Variants in NAALADL2 observed in about 807,000 individuals in gnomAD.
NAALADL2 encodes the protein inactive N-acetylated-alpha-linked acidic dipeptidase-like protein 2.
Under a neutral mutation model 87.2 loss-of-function variants are expected in NAALADL2, and 76 were observed. The ratio of observed to expected loss-of-function variants is 0.87; its 90% confidence interval spans 0.72 to 1.05. The LOEUF (loss-of-function observed/expected upper bound fraction) is 1.05. NAALADL2 is among the 50% of genes least tolerant of loss of function. The pLI, the probability that NAALADL2 is intolerant of heterozygous loss-of-function variation, is 0.00. For missense variants in NAALADL2, 1,089 were observed against 945.8 expected, an observed-to-expected ratio of 1.15 and a Z score of -1.99; for synonymous variants, 354 against 331.0, an observed-to-expected ratio of 1.07 and a Z score of -0.75.
At chr3:175,325,637 A>C (rs1581429957) in intron 5 of NAALADL2, among the ~76,000 whole-genome samples, 2 of 152,264 alleles carry the variant, frequency 1.3e-5, no homozygotes, top group Admixed American at 1.3e-4. Flanking sequence ...CTCTAACCTA[A>C]GTTGGTAAGT....
chr3:174,983,315 A>T (rs898911355), intron 1 of NAALADL2, among the ~76,000 whole-genome samples: 1 of 152,138 alleles, frequency 6.6e-6, no homozygotes, highest in African/African-American at 2.4e-5. Flanking sequence ...TCTTGGCTAT[A>T]GGGGTGGTCT....
chr3:175,700,146 A>C (rs1738784695), intron 11 of NAALADL2, among the ~76,000 whole-genome samples: 1 of 152,138 alleles, frequency 6.6e-6, no homozygotes, highest in African/African-American at 2.4e-5. Context: ...GCCTTGTTTG[A>C]TTGTAAATAT....
intron 11 of NAALADL2, among the ~76,000 whole-genome samples, chr3:175,695,819 A>G (rs979054466): frequency 1.3e-5 from 2 of 152,158 alleles, no homozygotes; most frequent in African/African-American, 2.4e-5. Flanking sequence ...TTAATAATAT[A>G]TAGTACTCAA....
chr3:175,474,619 T>C (rs992411063), intron 9 of NAALADL2, among the ~76,000 whole-genome samples: 2 of 152,162 alleles, frequency 1.3e-5, no homozygotes, highest in South Asian at 4.1e-4. Context: ...TATATAACCA[T>C]GTATACACAA....
chr3:175,704,272 G>A (rs1454023076), intron 11 of NAALADL2, among the ~76,000 whole-genome samples: 1 of 152,062 alleles, frequency 6.6e-6, no homozygotes, highest in Admixed American at 6.6e-5. Flanking sequence ...TGGAAAAGAG[G>A]CTTCCTTTTT....
intron 9 of NAALADL2, among the ~76,000 whole-genome samples, chr3:175,529,216 G>T (rs762779463): frequency 3.3e-5 from 5 of 152,168 alleles, no homozygotes; most frequent in Non-Finnish European, 5.9e-5. Context: ...TTCTGGGTCA[G>T]CCACCCCAGA....
At chr3:175,476,580 A>G (rs185232442) in intron 9 of NAALADL2, among the ~76,000 whole-genome samples, 1 of 152,138 alleles carries the variant, frequency 6.6e-6, no homozygotes, top group East Asian at 1.9e-4. Context: ...ACAAACAAAC[A>G]AAAAACAGTA....
intron 11 of NAALADL2, among the ~76,000 whole-genome samples, chr3:175,698,483 T>TTGTATATATA (rs1398396262): frequency 1.5e-5 from 1 of 67,740 alleles, no homozygotes; most frequent in Non-Finnish European, 2.8e-5. Context: ...GTATATATAT[T>TTGTATATATA]TATATATATA....
rs564738480 is a variant in NAALADL2 at position 174,976,242 on chromosome 3, T to C, written c.43+116792T>C. Among the ~76,000 whole-genome samples, 3 of 152,328 alleles carry C rather than the reference T, an allele frequency of 2.0e-5. No individual in the cohort carries two copies. The East Asian group carries it at 5.8e-4, about 29-fold the overall frequency. On this transcript the variant is annotated intron_variant, in intron 1 of 13. Transcript: ENST00000454872. ...TTAGTTACATTTCCTTAAAACTATC[T>C]TATAGATTTTAATCATAATTTAATC... is the stretch of plus-strand genomic sequence containing the variant.
intron 3 of NAALADL2, among the ~76,000 whole-genome samples, chr3:174,834,832 AC>A (rs1723147471): frequency 7.1e-6 from 1 of 140,384 alleles, no homozygotes; most frequent in African/African-American, 2.5e-5. Flanking sequence ...TGGTTAGAAG[AC>A]AATATTTTGA....
In NAALADL2 at chr3:174,807,869, T is replaced by TTGTGTGTGTG. The variant is rs374956917; in HGVS notation, c.-9+70134_-9+70143dup. ...AGTTTGCTTATCACTATTATTTTCA[T>TTGTGTGTGTG]TGTGTGTGTGTGTGTGTGTGAGAGA... On this transcript the variant is annotated intron_variant, in intron 3 of 3. Coordinates refer to the NAALADL2 transcript ENST00000434257. Among the ~76,000 whole-genome samples the TTGTGTGTGTG allele has an allele frequency of 1.4e-3, 212 of 149,948 alleles. 1 individual carries two copies. The highest frequency in any genetic ancestry group is 0.01 in the Middle Eastern group (3 of 294).
At chr3:175,723,062 G>A (rs539957000) in intron 11 of NAALADL2, among the ~76,000 whole-genome samples, 1 of 152,152 alleles carries the variant, frequency 6.6e-6, no homozygotes, top group South Asian at 2.1e-4. Flanking sequence ...GGCTCCTAGG[G>A]GCAGGTTCTG....
intron 2 of NAALADL2, among the ~76,000 whole-genome samples, chr3:174,571,469 T>C (rs1442405557): frequency 2.0e-5 from 3 of 152,094 alleles, no homozygotes; most frequent in African/African-American, 7.2e-5. Flanking sequence ...CTCCGCCTCC[T>C]GGGTTTAAGC....
chr3:175,119,079 T>A (rs1725734093), intron 2 of NAALADL2, among the ~76,000 whole-genome samples: 1 of 151,414 alleles, frequency 6.6e-6, no homozygotes, highest in South Asian at 2.1e-4. Context: ...TTCCCAGTGG[T>A]CATTATTGAC....
At position 175,755,387 on chromosome 3, in the gene NAALADL2, C is replaced by A. The variant is rs1348554213; in HGVS notation, c.2158C>A (p.Leu720Met). 2 of 1,605,482 alleles carry A rather than the reference C, an allele frequency of 1.2e-6. No individual in the cohort carries two copies. Among genetic ancestry groups the A allele is most frequent in the Non-Finnish European group, 1.7e-6 (2 of 1,175,124 alleles). ...TCTCCAAGACATGGAGAAAAGCTTT[C>A]TGGTAAAGCAGGCACCACCAGGTTT... The part of the protein sequence containing the change: ...DILQDMEKSF[L>M]VKQAPPGFYR... Residue 720 changes from leucine (L) to methionine (M), a missense_variant, in exon 13 of 14, where the codon CTG (leucine) becomes ATG (methionine). By Grantham distance (15) the Leu-to-Met change is conservative. Transcript: ENST00000454872.
chr3:175,475,208 T>C (rs1349915254), intron 9 of NAALADL2, among the ~76,000 whole-genome samples: 3 of 152,078 alleles, frequency 2.0e-5, no homozygotes, highest in Admixed American at 6.6e-5. Context: ...CTTGGGGGGA[T>C]AAAAGCCCTT....
chr3:174,882,347 G>T (rs565786759), intron 1 of NAALADL2, among the ~76,000 whole-genome samples: 3 of 151,530 alleles, frequency 2.0e-5, no homozygotes, highest in Non-Finnish European at 4.4e-5. Context: ...AATTAGAAAA[G>T]GACACAAAAT....
chr3:174,903,837 A>T (rs1266230822), intron 1 of NAALADL2, among the ~76,000 whole-genome samples: 1 of 151,692 alleles, frequency 6.6e-6, no homozygotes, highest in African/African-American at 2.4e-5. Context: ...TTTCACAGTC[A>T]TTTTTATCAT....
At chr3:174,466,129 C>T (rs377426801) in intron 1 of NAALADL2, among the ~76,000 whole-genome samples, 20 of 152,278 alleles carry the variant, frequency 1.3e-4, no homozygotes, top group African/African-American at 4.8e-4. Flanking sequence ...AAGTAATTTC[C>T]ATTTCAGCAC....
Sources: allele counts gnomAD v4.1 joint callset (sites outside exome capture counted in the v4.1 genomes callset), GRCh38; gene constraint gnomAD v4.1.1; transcripts MANE v1.5; gene names NCBI Gene and HGNC (gene_info 2026-07-23, HGNC 2026-07-21).